The following DLG5 variants were observed in gnomAD, a reference collection of about 807,000 sequenced individuals.
DLG5 encodes the protein disks large homolog 5.
DLG5 carries 48 observed loss-of-function variants against 189.8 expected under a neutral mutation model. The observed-to-expected ratio is 0.25, with a 90% CI of 0.20 to 0.32. The LOEUF (loss-of-function observed/expected upper bound fraction) is 0.32, where lower values mean the gene tolerates loss of function less well. DLG5 is among the 10% of genes least tolerant of loss of function. The pLI is 1.00. For missense variants in DLG5, 2,160 were observed against 2,544.7 expected (o/e 0.85, Z 3.25); for synonymous variants, 1,016 against 1,054.1 (o/e 0.96, Z 0.70).
chr10:77,794,786 AC>A, intron 30 of DLG5, 62 bp downstream of exon 30: 1 of 1,360,196 alleles, frequency 7.4e-7, no homozygotes, highest in Non-Finnish European at 1.0e-6. Context: ...CCTGCTCCCT[AC>A]TTGGGCTCCC....
At chr10:77,833,437 C>A (rs1359063070) in intron 9 of DLG5, among the ~76,000 whole-genome samples, 1 of 152,336 alleles carries the variant, frequency 6.6e-6, no homozygotes, top group Admixed American at 6.5e-5. Flanking sequence ...TCTTCCTGCG[C>A]ACTGTGAGCC....
At chr10:77,807,053 G>GA in intron 25 of DLG5, 125 bp from the exon 26 acceptor site, 1 of 1,061,448 alleles carries the variant, frequency 9.4e-7, no homozygotes, top group South Asian at 1.7e-5. Context: ...ACTTGATCAG[G>GA]AATCGCCGAG....
At chr10:77,882,077 C>G (rs1421293932) in intron 1 of DLG5, among the ~76,000 whole-genome samples, 1 of 152,224 alleles carries the variant, frequency 6.6e-6, no homozygotes, top group Non-Finnish European at 1.5e-5. Flanking sequence ...CAGCCTGGGT[C>G]TGTAGTAGCA....
At chr10:77,906,051 C>T (rs1564589137) in intron 1 of DLG5, among the ~76,000 whole-genome samples, 1 of 152,210 alleles carries the variant, frequency 6.6e-6, no homozygotes, top group African/African-American at 2.4e-5. Context: ...TACCCATTTG[C>T]TCTGCAGGAA....
At chr10:77,861,213 C>T (rs919965510) in intron 2 of DLG5, among the ~76,000 whole-genome samples, 1 of 152,192 alleles carries the variant, frequency 6.6e-6, no homozygotes. Context: ...ATTATGAAAA[C>T]AGTCTCACCT....
Position 77,817,864 on chromosome 10 carries a change from G to A in DLG5, c.3697C>T (p.Leu1233=). Residue 1233 remains leucine (L), a synonymous_variant, in exon 18 of 32, where the codon CTG becomes TTG. Coordinates refer to ENST00000372391, the MANE Select transcript of DLG5 (RefSeq NM_004747.4). Reference sequence around the variant, plus strand: ...CTGCAGGTCCTGTGGCTCAGGTCCAGGCTCAGGCGTCCCTGGTGCTGGACA... The same window carrying A: ...CTGCAGGTCCTGTGGCTCAGGTCCAAGCTCAGGCGTCCCTGGTGCTGGACA... ...PSVQHQGRLS[L]DLSHRTCSDY... 6.4e-7 allele frequency: 1 copy of A among 1,552,616 alleles called. No individual in the cohort carries two copies.
At chr10:77,812,631 C>T (rs546632778) in intron 20 of DLG5, among the ~76,000 whole-genome samples, 8 of 152,284 alleles carry the variant, frequency 5.3e-5, no homozygotes, top group African/African-American at 1.9e-4. Flanking sequence ...ACACAGAGAA[C>T]GGTCCGTGTG....
intron 1 of DLG5, among the ~76,000 whole-genome samples, chr10:77,893,089 C>G (rs1385608306): frequency 6.6e-6 from 1 of 152,236 alleles, no homozygotes; most frequent in Non-Finnish European, 1.5e-5. Context: ...ACCACCAGAG[C>G]AGCCCCTCTC....
At chr10:77,885,909 G>A (rs959355887) in intron 1 of DLG5, among the ~76,000 whole-genome samples, 1 of 152,184 alleles carries the variant, frequency 6.6e-6, no homozygotes, top group Non-Finnish European at 1.5e-5. Flanking sequence ...AGGATGAGAG[G>A]AGGAAGGGGA....
At chr10:77,910,237 G>A (rs924372060) in intron 1 of DLG5, among the ~76,000 whole-genome samples, 4 of 152,200 alleles carry the variant, frequency 2.6e-5, no homozygotes, top group Admixed American at 6.5e-5. Context: ...CTGCAGTACC[G>A]AGTAAAGGTA....
intron 1 of DLG5, among the ~76,000 whole-genome samples, chr10:77,896,241 T>A (rs1845755227): frequency 6.6e-6 from 1 of 152,182 alleles, no homozygotes; most frequent in Non-Finnish European, 1.5e-5. Context: ...TTTATTTGGC[T>A]AGTATAACGT....
intron 13 of DLG5, among the ~76,000 whole-genome samples, chr10:77,827,106 C>T (rs1053483272): frequency 2.0e-5 from 3 of 152,108 alleles, no homozygotes; most frequent in Admixed American, 6.5e-5. Flanking sequence ...TGATTGCCAT[C>T]GGGGTGGGAA....
intron 1 of DLG5, among the ~76,000 whole-genome samples, chr10:77,920,370 A>G (rs1846499363): frequency 6.6e-6 from 1 of 152,188 alleles, no homozygotes; most frequent in Non-Finnish European, 1.5e-5. Context: ...TAGACCCACC[A>G]TCCCACTCCA....
chr10:77,809,575 C>T lies in DLG5; in HGVS notation c.4619G>A (p.Gly1540Asp), dbSNP rs1841654467. ...CAGGATGAGGTCCCCTGGCACGAGG[C>T]CGTCAGGACCCTTGGCAGGACTGTC... ...EDDSPAKGPDGLVPGDLILEY... is the reference protein window; with the variant it reads ...EDDSPAKGPDDLVPGDLILEY... The change falls in exon 24 of 32, where the codon GGC becomes GAC. Residue 1540 changes from glycine (G) to aspartate (D), a missense_variant. By Grantham distance (94) the Gly-to-Asp change is moderately conservative. Around this residue, in one of 5 missense-constraint regions of DLG5, gnomAD observed 574 missense variants for 644.2 expected, o/e 0.89. Coordinates refer to ENST00000372391, the MANE Select transcript of DLG5 (RefSeq NM_004747.4). 6.2e-7 allele frequency: 1 copy of T among 1,613,864 alleles called. No individual in the cohort carries two copies. Among genetic ancestry groups the T allele is most frequent in the Middle Eastern group, 1.6e-4 (1 of 6,062 alleles).
At chr10:77,894,543 C>CTTTTTTTTT (rs35379334) in intron 1 of DLG5, among the ~76,000 whole-genome samples, 1 of 95,918 alleles carries the variant, frequency 1.0e-5, no homozygotes. Context: ...AAGAATAAAG[C>CTTTTTTTTT]TTTTTTTTTT....
rs1840683532 is a variant in DLG5, at chr10:77,792,422, C to T, written c.*18G>A. 6.2e-7 allele frequency: 1 copy of T among 1,612,554 alleles called. No homozygotes were observed. The highest frequency in any genetic ancestry group is 2.2e-5 in the East Asian group (1 of 44,882). ...CCCTCAGGCGGCCAGCTGCAGTCAT[C>T]CACAGCACAGCATTCTCCTAGAGCG... On this transcript the variant is annotated 3_prime_UTR_variant, in exon 32 of 32. Coordinates refer to ENST00000372391, the MANE Select transcript of DLG5 (RefSeq NM_004747.4).
At chr10:77,889,099 CCTCACAAGCCCACAGGTAACCTCCCAG>C (rs1439107077) in intron 1 of DLG5, among the ~76,000 whole-genome samples, 147 of 140,204 alleles carry the variant, frequency 1.0e-3, no homozygotes, top group Non-Finnish European at 1.8e-3. Context: ...ACCTCCCAGG[CCTCACAAGCCCACAGGTAACCTCCCAG>C]GCCTCACAAG....
chr10:77,886,443 T>G (rs955428333), intron 1 of DLG5, among the ~76,000 whole-genome samples: 6 of 150,906 alleles, frequency 4.0e-5, no homozygotes, highest in Non-Finnish European at 2.9e-5. Context: ...CTCAGCTCAC[T>G]GCAACCTCCA....
intron 3 of DLG5, 123 bp downstream of exon 3, chr10:77,856,607 G>C: frequency 7.8e-7 from 1 of 1,275,678 alleles, no homozygotes; most frequent in South Asian, 1.4e-5. Context: ...TGGGGGAAAG[G>C]GGACACTCAG....
Sources: gnomAD v4.1 joint callset for allele counts (sites outside exome capture counted in the v4.1 genomes callset) on GRCh38, gnomAD v4.1.1 for gene constraint, gnomAD v4.1.1 regional missense constraint, MANE v1.5 for transcripts, NCBI Gene and HGNC (gene_info 2026-07-23, HGNC 2026-07-21) for gene names.